RBFOX1: variants seen among roughly 807,000 people sequenced by gnomAD.
RBFOX1 encodes RNA binding protein fox-1 homolog 1.
In RBFOX1, 8 loss-of-function variants were observed where a neutral mutation model predicts 57.7. The ratio of observed to expected loss-of-function variants is 0.14; its 90% CI spans 0.08 to 0.25. The LOEUF is 0.25. Ranked by LOEUF, RBFOX1 falls within the 10% of genes least tolerant of loss-of-function variation. The pLI, the probability that RBFOX1 is intolerant of heterozygous loss-of-function variation, is 1.00. For missense variants in RBFOX1, 611 were observed against 548.5 expected (o/e 1.11, Z -1.14); for synonymous variants, 326 against 222.4 (o/e 1.47, Z -4.15).
At chr16:5,377,371 G>C (rs1335808954) in intron 1 of RBFOX1, among the ~76,000 whole-genome samples, 1 of 151,382 alleles carries the variant, frequency 6.6e-6, no homozygotes, top group Non-Finnish European at 1.5e-5. Flanking sequence ...CACGTAAGCA[G>C]AGACTCGAGG....
chr16:5,800,528 A>G (rs1317777688), intron 3 of RBFOX1, among the ~76,000 whole-genome samples: 2 of 152,130 alleles, frequency 1.3e-5, no homozygotes, highest in African/African-American at 2.4e-5. Context: ...GCTCTCCAGC[A>G]CAAATAAGGG....
At chr16:7,064,671 C>G (rs1004429813) in intron 4 of RBFOX1, among the ~76,000 whole-genome samples, 4 of 152,130 alleles carry the variant, frequency 2.6e-5, no homozygotes, top group Admixed American at 2.6e-4. Flanking sequence ...CCCTGGTCCA[C>G]GGTACTTTGT....
At chr16:5,598,834 A>C (rs17138174) in intron 2 of RBFOX1, 17,058 of 1,249,752 alleles carry the variant, frequency 0.014, 528 homozygotes, top group African/African-American at 0.12. Flanking sequence ...TGGGTTACTC[A>C]AGGTTAGAAT....
At chr16:6,774,784 G>A (rs983215365) in intron 3 of RBFOX1, among the ~76,000 whole-genome samples, 3 of 151,982 alleles carry the variant, frequency 2.0e-5, no homozygotes, top group African/African-American at 7.3e-5. Flanking sequence ...TGGTGGGAGT[G>A]TTTTATACCT....
chr16:6,935,704 A>G (rs1362640434), intron 3 of RBFOX1, among the ~76,000 whole-genome samples: 3 of 152,220 alleles, frequency 2.0e-5, no homozygotes, highest in Non-Finnish European at 4.4e-5. Context: ...AGGTTTGAGA[A>G]TCAGTGTGGC....
intron 1 of RBFOX1, among the ~76,000 whole-genome samples, chr16:5,353,432 C>T (rs1002797683): frequency 6.6e-6 from 1 of 151,824 alleles, no homozygotes; most frequent in Admixed American, 6.6e-5. Context: ...CCCTCTTCCT[C>T]CGCCCCTCTG....
intron 2 of RBFOX1, among the ~76,000 whole-genome samples, chr16:6,495,538 A>G (rs548568129): frequency 2.0e-5 from 3 of 152,160 alleles, no homozygotes; most frequent in Non-Finnish European, 4.4e-5. Flanking sequence ...TATTGATATC[A>G]CCCTGAAAAG....
At chr16:5,880,727 G>T (rs1177427442) in intron 4 of RBFOX1, among the ~76,000 whole-genome samples, 1 of 152,082 alleles carries the variant, frequency 6.6e-6, no homozygotes, top group Admixed American at 6.6e-5. Flanking sequence ...GACCCCCTTG[G>T]ACATCTGGGG....
At chr16:6,497,439 A>T (rs2095801188) in intron 2 of RBFOX1, among the ~76,000 whole-genome samples, 1 of 152,098 alleles carries the variant, frequency 6.6e-6, no homozygotes, top group South Asian at 2.1e-4. Flanking sequence ...AGGCCCAGAG[A>T]GCACTTGGAG....
chr16:7,213,136 C>G (rs987402534), intron 4 of RBFOX1, among the ~76,000 whole-genome samples: 1 of 152,140 alleles, frequency 6.6e-6, no homozygotes, highest in Non-Finnish European at 1.5e-5. Context: ...TATCCAGACC[C>G]TGAAGCCCGA....
In RBFOX1 at chr16:5,760,217, A is replaced by C. The variant is rs576844739; in HGVS notation, c.319-107086A>C. ...ATTGAAAGTCCCACATTCTGGAGAA[A>C]CTGGAAATCTATGGTCCCAGGCAAA... On this transcript the variant is annotated intron_variant, in intron 3 of 19. Transcript: ENST00000641259. Among the ~76,000 whole-genome samples the C allele has an allele frequency of 3.3e-5, 5 of 152,262 alleles. No individual in the cohort carries two copies. The South Asian group carries it at 1.0e-3, about 32-fold the overall frequency.
At chr16:5,732,107 C>A (rs907666615) in intron 3 of RBFOX1, among the ~76,000 whole-genome samples, 1 of 152,100 alleles carries the variant, frequency 6.6e-6, no homozygotes, top group African/African-American at 2.4e-5. Flanking sequence ...GTTATTTATC[C>A]ACTTTTAGAA....
At chr16:6,246,506 C>G (rs899023025) in intron 1 of RBFOX1, among the ~76,000 whole-genome samples, 1 of 152,120 alleles carries the variant, frequency 6.6e-6, no homozygotes, top group African/African-American at 2.4e-5. Flanking sequence ...TCACCCATCA[C>G]CCAAACTTTG....
chr16:6,752,604 T>G (rs1197122053), intron 3 of RBFOX1, among the ~76,000 whole-genome samples: 2 of 152,222 alleles, frequency 1.3e-5, no homozygotes, highest in African/African-American at 4.8e-5. Context: ...CTTTAAGCTT[T>G]TTATTATGGC....
At chr16:6,574,292 C>A (rs1600287477) in intron 2 of RBFOX1, among the ~76,000 whole-genome samples, 1 of 151,938 alleles carries the variant, frequency 6.6e-6, no homozygotes, top group Non-Finnish European at 1.5e-5. Context: ...GCTTTCATGC[C>A]GGCTCTGCCT....
chr16:7,247,324 C>T (rs2094342251), intron 4 of RBFOX1, among the ~76,000 whole-genome samples: 1 of 152,178 alleles, frequency 6.6e-6, no homozygotes, highest in Admixed American at 6.5e-5. Context: ...CACAGACACA[C>T]CCGCAGTGGA....
At chr16:7,226,933 G>A (rs867508286) in intron 4 of RBFOX1, among the ~76,000 whole-genome samples, 3 of 152,188 alleles carry the variant, frequency 2.0e-5, no homozygotes, top group Non-Finnish European at 1.5e-5. Flanking sequence ...ATGTATGGAT[G>A]TATTTACAAA....
At chr16:6,843,168 C>T (rs976580696) in intron 3 of RBFOX1, among the ~76,000 whole-genome samples, 1 of 152,040 alleles carries the variant, frequency 6.6e-6, no homozygotes, top group Non-Finnish European at 1.5e-5. Context: ...ATTCTCTGAG[C>T]AAAGTTTTCT....
At chr16:6,824,672 C>T (rs1017552504) in intron 3 of RBFOX1, among the ~76,000 whole-genome samples, 5 of 152,148 alleles carry the variant, frequency 3.3e-5, no homozygotes, top group African/African-American at 2.4e-5. Context: ...ATTCATCACT[C>T]ACTACCTTGA....
Sources: allele counts gnomAD v4.1 joint callset (sites outside exome capture counted in the v4.1 genomes callset), GRCh38; gene constraint gnomAD v4.1.1; transcripts MANE v1.5; gene names NCBI Gene and HGNC (gene_info 2026-07-23, HGNC 2026-07-21).